TUSC3: variants seen among roughly 807,000 people sequenced by gnomAD.
TUSC3 encodes tumor suppressor candidate 3.
TUSC3 carries 45 observed loss-of-function variants against 44.8 expected under a neutral mutation model. The ratio of observed to expected loss-of-function variants is 1.00; its 90% confidence interval spans 0.79 to 1.29. The LOEUF (loss-of-function observed/expected upper bound fraction) is 1.29. Ranked by LOEUF, TUSC3 falls within the 50% of genes most tolerant of loss-of-function variation. The probability of loss-of-function intolerance (pLI) is 0.00; values close to 1 mark genes in which losing one functional copy is unlikely to be tolerated. For synonymous variants in TUSC3, 212 were observed against 152.9 expected, an observed-to-expected ratio of 1.39 and a Z score of -2.85; for missense variants, 519 against 437.9, an observed-to-expected ratio of 1.19 and a Z score of -1.65.
chr8:15,447,689 A>T lies in TUSC3; in HGVS notation n.91+30384A>T, dbSNP rs185074976. 2.0e-4 allele frequency among the ~76,000 whole-genome samples: 31 copies of T among 151,228 alleles called. No individual in the cohort carries two copies. The East Asian group carries it at 5.8e-3, about 28-fold the overall frequency. On this transcript the variant is annotated intron_variant and non_coding_transcript_variant, in intron 1 of 5. Coordinates refer to the TUSC3 transcript ENST00000503191. Reference sequence around the variant, plus strand: ...ACCTTTGAAAAGCATGAACATAATTATGTCTTTTTTTTTTTTTTACTTACT... The same window carrying T: ...ACCTTTGAAAAGCATGAACATAATTTTGTCTTTTTTTTTTTTTTACTTACT...
chr8:15,709,125 C>T (rs1281818406), intron 6 of TUSC3, among the ~76,000 whole-genome samples: 3 of 151,666 alleles, frequency 2.0e-5, no homozygotes, highest in African/African-American at 7.3e-5. Flanking sequence ...GAGAGGATAG[C>T]CAAATGTTAG....
intron 1 of TUSC3, among the ~76,000 whole-genome samples, chr8:15,419,175 A>C (rs1170184022): frequency 6.6e-6 from 1 of 152,174 alleles, no homozygotes; most frequent in East Asian, 1.9e-4. Context: ...CCTGAATGTA[A>C]CTGTGAGAAG....
chr8:15,781,393 C>T, the TUSC3 span, among the ~76,000 whole-genome samples: 1 of 152,078 alleles, frequency 6.6e-6, no homozygotes, highest in Non-Finnish European at 1.5e-5. Context: ...ACAAACACAG[C>T]AGTTTGGACA....
chr8:15,585,153 T>C (rs2129148323), intron 1 of TUSC3, among the ~76,000 whole-genome samples: 2 of 152,254 alleles, frequency 1.3e-5, no homozygotes, highest in Middle Eastern at 6.8e-3. Flanking sequence ...AAAAAATTCA[T>C]CAGTTGCCTA....
intron 2 of TUSC3, among the ~76,000 whole-genome samples, chr8:15,630,350 A>G (rs1805703664): frequency 6.6e-6 from 1 of 152,172 alleles, no homozygotes; most frequent in South Asian, 2.1e-4. Context: ...TTACATTGAT[A>G]CATTACATAT....
intron 1 of TUSC3, among the ~76,000 whole-genome samples, chr8:15,547,168 C>G (rs895888280): frequency 1.1e-4 from 17 of 151,576 alleles, no homozygotes; most frequent in Non-Finnish European, 2.2e-4. Flanking sequence ...CATGAGAACT[C>G]AAGTACCTAT....
chr8:15,531,646 C>T (rs1453339554), intron 2 of TUSC3, among the ~76,000 whole-genome samples: 1 of 152,186 alleles, frequency 6.6e-6, no homozygotes, highest in Admixed American at 6.5e-5. Context: ...CTCATCCTTT[C>T]TTCTGAGAAG....
the TUSC3 span, among the ~76,000 whole-genome samples, chr8:15,810,164 C>T: frequency 1.3e-5 from 2 of 152,236 alleles, no homozygotes; most frequent in East Asian, 1.9e-4. Flanking sequence ...ATTCTCAGGT[C>T]CCACTCCAGA....
chr8:15,666,322 C>T (rs1261802699), intron 5 of TUSC3, among the ~76,000 whole-genome samples: 1 of 151,254 alleles, frequency 6.6e-6, no homozygotes, highest in African/African-American at 2.4e-5. Context: ...ATGTAATAAC[C>T]CAACCTTATT....
At position 15,644,303 on chromosome 8, in the gene TUSC3, C is replaced by T. The variant is rs367843977; in HGVS notation, c.309-6394C>T. Reference sequence around the variant, plus strand: ...CAGCGTGACTGCCCTCTTCAGGCTGCATAAGTATATATTAGAATTTATGGC... The same window carrying T: ...CAGCGTGACTGCCCTCTTCAGGCTGTATAAGTATATATTAGAATTTATGGC... On this transcript the variant is annotated intron_variant, in intron 2 of 10. Coordinates refer to ENST00000503731, the MANE Select transcript of TUSC3 (RefSeq NM_006765.4). Among the ~76,000 whole-genome samples the T allele has an allele frequency of 6.6e-5, 10 of 152,302 alleles. No individual in the cohort carries two copies. In the East Asian group the frequency reaches 1.9e-3, roughly 29 times the overall value.
rs988453957 is a variant in TUSC3 at position 15,766,615 on chromosome 8, G to C, written c.*2459G>C. 2.0e-5 allele frequency: 3 copies of C among 152,144 alleles called. No individual in the cohort carries two copies. Among genetic ancestry groups the C allele is most frequent in the East Asian group, 3.9e-4 (2 of 5,180 alleles). 9.4% of individuals were successfully genotyped at this position (152,144 alleles called of 1,614,324 possible). A position where few individuals can be genotyped will look rare whatever the true frequency, so the allele number is the denominator to read the frequency against. ...GCATTTTGCTTAACATACTGTTCCT[G>C]GCATTAGATATTCACATGAGTAAGC... On this transcript the variant is annotated 3_prime_UTR_variant, in exon 11 of 11. Transcript: ENST00000503731.
intron 2 of TUSC3, among the ~76,000 whole-genome samples, chr8:15,483,741 C>T (rs190740148): frequency 1.6e-4 from 23 of 146,534 alleles, no homozygotes; most frequent in East Asian, 4.2e-4. Context: ...CTGCAAACTC[C>T]GCCTCCCGAG....
chr8:15,664,292 G>T (rs1046681147), intron 5 of TUSC3, among the ~76,000 whole-genome samples: 1 of 151,544 alleles, frequency 6.6e-6, no homozygotes, highest in Non-Finnish European at 1.5e-5. Context: ...CTGGACATGT[G>T]TCTTATATGT....
chr8:15,523,664 A>ATGTGTGTGTG (rs869090876), intron 2 of TUSC3, among the ~76,000 whole-genome samples: 5 of 42,516 alleles, frequency 1.2e-4, no homozygotes, highest in African/African-American at 4.3e-4. Context: ...ATATATATAT[A>ATGTGTGTGTG]TGTGTGTGTG....
chr8:15,606,894 C>A (rs913914550), intron 1 of TUSC3, among the ~76,000 whole-genome samples: 1 of 151,524 alleles, frequency 6.6e-6, no homozygotes, highest in Admixed American at 6.6e-5. Context: ...CTTACGTTTT[C>A]CAGTGGTATT....
intron 9 of TUSC3, among the ~76,000 whole-genome samples, chr8:15,757,066 T>C (rs1409966003): frequency 6.6e-6 from 1 of 151,930 alleles, no homozygotes; most frequent in Admixed American, 6.6e-5. Flanking sequence ...AGCCCAGGAG[T>C]TTGAGGCTGC....
chr8:15,678,419 A>T (rs1808279907), intron 6 of TUSC3, among the ~76,000 whole-genome samples: 1 of 152,096 alleles, frequency 6.6e-6, no homozygotes, highest in Non-Finnish European at 1.5e-5. Context: ...ATTCCAAAGG[A>T]GAGGAAAAAA....
At chr8:15,723,679 CAG>C (rs1451707402) in intron 6 of TUSC3, among the ~76,000 whole-genome samples, 10 of 152,082 alleles carry the variant, frequency 6.6e-5, no homozygotes, top group Non-Finnish European at 1.3e-4. Context: ...TAGTAGGAAA[CAG>C]AGGAATCTTT....
At chr8:15,474,382 A>G (rs1800547017) in intron 1 of TUSC3, among the ~76,000 whole-genome samples, 1 of 152,204 alleles carries the variant, frequency 6.6e-6, no homozygotes, top group African/African-American at 2.4e-5. Flanking sequence ...AGATTAAATT[A>G]AGACAGGTGT....
Sources: gnomAD v4.1 joint callset for allele counts (sites outside exome capture counted in the v4.1 genomes callset) on GRCh38, gnomAD v4.1.1 for gene constraint, MANE v1.5 for transcripts, NCBI Gene and HGNC (gene_info 2026-07-23, HGNC 2026-07-21) for gene names.